CNIH3: variants seen among roughly 807,000 people sequenced by gnomAD.
CNIH3 encodes the protein cornichon family AMPA receptor auxiliary protein 3.
CNIH3 carries 14 observed loss-of-function variants against 24.1 expected under a neutral mutation model. The observed-to-expected ratio is 0.58, with a 90% CI of 0.38 to 0.91. The LOEUF (loss-of-function observed/expected upper bound fraction) is 0.91. CNIH3 is among the 40% of genes least tolerant of loss of function. The probability of loss-of-function intolerance (pLI) is 0.00; values close to 1 mark genes in which losing one functional copy is unlikely to be tolerated. For synonymous variants in CNIH3, 68 were observed against 73.8 expected, an observed-to-expected ratio of 0.92 and a Z score of 0.40; for missense variants, 178 against 196.8, an observed-to-expected ratio of 0.90 and a Z score of 0.57.
At chr1:224,544,467 T>C (rs886291596) in intron 2 of CNIH3, among the ~76,000 whole-genome samples, 1 of 152,242 alleles carries the variant, frequency 6.6e-6, no homozygotes, top group South Asian at 2.1e-4. Flanking sequence ...ATTTTAGGAA[T>C]ATTTTGTTTA....
chr1:224,547,047 C>T (rs1346678072), intron 3 of CNIH3: 2 of 229,132 alleles, frequency 8.7e-6, no homozygotes, highest in African/African-American at 4.7e-5. Context: ...TGTGTGCATA[C>T]ACGCAAGGTT....
downstream of CNIH3, among the ~76,000 whole-genome samples, chr1:224,542,208 C>T (rs572712555): frequency 6.6e-6 from 1 of 152,336 alleles, no homozygotes; most frequent in South Asian, 2.1e-4. Flanking sequence ...TCTTAAAATT[C>T]ATTCTTTTTC....
chr1:224,452,021 C>T (rs1675419875), intron 1 of CNIH3, among the ~76,000 whole-genome samples: 1 of 152,186 alleles, frequency 6.6e-6, no homozygotes, highest in Non-Finnish European at 1.5e-5. Context: ...TTCCTATTGC[C>T]TCCCAGATAC....
chr1:224,709,188 G>T (rs1469959225), intron 3 of CNIH3, among the ~76,000 whole-genome samples: 1 of 152,196 alleles, frequency 6.6e-6, no homozygotes, highest in East Asian at 1.9e-4. Context: ...CCTCCCCAGG[G>T]CTCATCTCCT....
chr1:224,682,691 C>G (rs1441816891), intron 2 of CNIH3, among the ~76,000 whole-genome samples: 1 of 152,134 alleles, frequency 6.6e-6, no homozygotes, highest in African/African-American at 2.4e-5. Flanking sequence ...TGTTTGGCAC[C>G]AACATTACAC....
rs938229252 is a variant in CNIH3 at position 224,575,133 on chromosome 1, C to T, written n.517-8031C>T. Reference sequence around the variant, plus strand: ...TGAGGACCCTTCCCTCCTGGAAGATCCCAGGATCAAGGCGATCACAGCCAA... The same window carrying T: ...TGAGGACCCTTCCCTCCTGGAAGATTCCAGGATCAAGGCGATCACAGCCAA... On this transcript the variant is annotated intron_variant and non_coding_transcript_variant, in intron 4 of 5. Coordinates refer to the CNIH3 transcript ENST00000471578. The T allele has an allele frequency of 4.2e-6, 4 of 942,738 alleles. No individual in the cohort carries two copies. In the African/African-American group the frequency reaches 6.4e-5, roughly 15 times the overall value. 58.4% of individuals were successfully genotyped at this position (942,738 alleles called of 1,614,324 possible).
chr1:224,438,338 G>A (rs1674757139), intron 1 of CNIH3, among the ~76,000 whole-genome samples: 1 of 151,796 alleles, frequency 6.6e-6, no homozygotes, highest in African/African-American at 2.4e-5. Flanking sequence ...GATTACAGGT[G>A]TGAGCTACCA....
intron 1 of CNIH3, among the ~76,000 whole-genome samples, chr1:224,495,915 C>G (rs1175650262): frequency 6.6e-6 from 1 of 152,126 alleles, no homozygotes; most frequent in Non-Finnish European, 1.5e-5. Context: ...CAGTGAGACC[C>G]CATCTCTGCA....
intron 3 of CNIH3, among the ~76,000 whole-genome samples, chr1:224,699,252 C>A (rs894937314): frequency 1.3e-5 from 2 of 152,130 alleles, no homozygotes; most frequent in Admixed American, 6.5e-5. Flanking sequence ...TGATTCTCAC[C>A]CTCCAAGTCA....
chr1:224,508,174 A>G (rs906927530), intron 1 of CNIH3, among the ~76,000 whole-genome samples: 1 of 152,254 alleles, frequency 6.6e-6, no homozygotes, highest in African/African-American at 2.4e-5. Flanking sequence ...TTGAGATAAA[A>G]CATGTCCTTC....
intron 3 of CNIH3, among the ~76,000 whole-genome samples, chr1:224,709,003 C>T (rs1156915480): frequency 6.6e-6 from 1 of 152,202 alleles, no homozygotes; most frequent in Non-Finnish European, 1.5e-5. Context: ...ATAGTGGATT[C>T]GTATTCTTCA....
At position 224,705,850 on chromosome 1, in the gene CNIH3, C is replaced by CTTTTTTTTTTTTTTTTTTTTTTT. The variant is rs61128987; in HGVS notation, c.198+21015_198+21016insTTTTTTTTTTTTTTTTTTTTTTT. On this transcript the variant is annotated intron_variant, in intron 3 of 5. Coordinates refer to ENST00000272133, the MANE Select transcript of CNIH3 (RefSeq NM_152495.2). Reference sequence around the variant, plus strand: ...TTCTTTTCTTTTCTCTCTTTCTTTTCTTTTTTTTCTTTTTTTTTTTTTTTG... The same window carrying CTTTTTTTTTTTTTTTTTTTTTTT: ...TTCTTTTCTTTTCTCTCTTTCTTTTCTTTTTTTTTTTTTTTTTTTTTTTTTTTTTTTCTTTTTTTTTTTTTTTG... Among the ~76,000 whole-genome samples, 4 of 90,208 alleles carry CTTTTTTTTTTTTTTTTTTTTTTT rather than the reference C, an allele frequency of 4.4e-5. 1 individual carries two copies. Among genetic ancestry groups the CTTTTTTTTTTTTTTTTTTTTTTT allele is most frequent in the Non-Finnish European group, 2.4e-5 (1 of 41,724 alleles). The allele number at this position is 90,208 out of a possible 152,430, so 59.2% of individuals were successfully genotyped here.
chr1:224,474,518 G>A (rs1450899443), intron 1 of CNIH3, among the ~76,000 whole-genome samples: 3 of 151,794 alleles, frequency 2.0e-5, no homozygotes, highest in Admixed American at 2.0e-4. Context: ...TCAAATAAAC[G>A]ATATAATGAT....
intron 4 of CNIH3, chr1:224,574,687 A>G: frequency 8.8e-7 from 1 of 1,131,748 alleles, no homozygotes; most frequent in Non-Finnish European, 1.3e-6. Flanking sequence ...GCGTACCATG[A>G]GAAGGGCCTG....
intron 1 of CNIH3, among the ~76,000 whole-genome samples, chr1:224,675,580 G>A (rs1686097584): frequency 6.6e-6 from 1 of 152,120 alleles, no homozygotes; most frequent in Non-Finnish European, 1.5e-5. Flanking sequence ...TTTGACAAGG[G>A]ACTTGTATCC....
chr1:224,434,925 G>C (rs984379324), intron 1 of CNIH3: 434 of 985,814 alleles, frequency 4.4e-4, no homozygotes, highest in Admixed American at 1.1e-3. Context: ...CGGGGGTCAG[G>C]GGAGGGAGGC....
chr1:224,589,510 T>C (rs1681660318), downstream of CNIH3, among the ~76,000 whole-genome samples: 1 of 152,224 alleles, frequency 6.6e-6, no homozygotes, highest in African/African-American at 2.4e-5. Flanking sequence ...AGCTGACTCC[T>C]AGGGGGTTTG....
At position 224,734,689 on chromosome 1, in the gene CNIH3, C is replaced by T. The variant is rs1171020260; in HGVS notation, c.438C>T (p.Phe146=). Residue 146 remains phenylalanine, a synonymous_variant, in exon 5 of 6, where the codon TTC becomes TTT. Transcript: ENST00000272133. The part of the protein sequence containing the change: ...WCKLAFYLLS[F]FYYLYCMIYT... ...AGCTGGCCTTCTATCTCCTCTCCTT[C>T]TTCTACTACCTTTACTGGTGAGTAT... 6.2e-7 allele frequency: 1 copy of T among 1,614,088 alleles called. No individual in the cohort carries two copies. Among genetic ancestry groups the T allele is most frequent in the South Asian group, 1.1e-5 (1 of 91,090 alleles).
At chr1:224,463,194 C>T (rs1676000972) in intron 1 of CNIH3, among the ~76,000 whole-genome samples, 1 of 152,112 alleles carries the variant, frequency 6.6e-6, no homozygotes, top group South Asian at 2.1e-4. Context: ...CTGTGCCTGG[C>T]CTGTTTAACT....
Sources: gnomAD v4.1 joint callset for allele counts (sites outside exome capture counted in the v4.1 genomes callset) on GRCh38, gnomAD v4.1.1 for gene constraint, MANE v1.5 for transcripts, NCBI Gene and HGNC (gene_info 2026-07-23, HGNC 2026-07-21) for gene names.